CFAP96: variants seen among roughly 807,000 people sequenced by gnomAD.
CFAP96 encodes cilia and flagella associated protein 96.
the CFAP96 span, among the ~76,000 whole-genome samples, chr4:185,446,358 A>G: frequency 1.7e-3 from 257 of 152,314 alleles, 1 homozygote; most frequent in Admixed American, 3.7e-3. Context: ...TAAAACTTTG[A>G]TAATTTGGGG....
At chr4:185,415,129 T>C in the CFAP96 span, 1 of 1,528,528 alleles carries the variant, frequency 6.5e-7, no homozygotes, top group Admixed American at 2.5e-5. Flanking sequence ...TATTGTTTTT[T>C]CTAAGAATAG....
the CFAP96 span, chr4:185,440,862 T>C: frequency 5.5e-6 from 1 of 181,152 alleles, no homozygotes; most frequent in African/African-American, 2.3e-5. Context: ...TTTTACAAAA[T>C]TACATGAAAT....
At chr4:185,443,407 G>A in the CFAP96 span, among the ~76,000 whole-genome samples, 3 of 136,084 alleles carry the variant, frequency 2.2e-5, no homozygotes, top group South Asian at 2.4e-4. Context: ...GCAGTGGCAC[G>A]ATCTTGGCTC....
chr4:185,413,395 C>T, the CFAP96 span, among the ~76,000 whole-genome samples: 1 of 151,586 alleles, frequency 6.6e-6, no homozygotes, highest in Non-Finnish European at 1.5e-5. Flanking sequence ...CTCAAAAAAA[C>T]AAAAAAAGAT....
the CFAP96 span, chr4:185,422,349 C>A: frequency 1.6e-5 from 11 of 683,776 alleles, no homozygotes; most frequent in Admixed American, 3.3e-4. Context: ...AAGTGTAAGT[C>A]CCATTTAATG....
the CFAP96 span, among the ~76,000 whole-genome samples, chr4:185,414,739 AC>A: frequency 1.3e-5 from 2 of 152,344 alleles, no homozygotes; most frequent in East Asian, 3.9e-4. Flanking sequence ...GTGGAGTATT[AC>A]CATAAATCCT....
At chr4:185,429,080 C>T in the CFAP96 span, among the ~76,000 whole-genome samples, 1 of 152,148 alleles carries the variant, frequency 6.6e-6, no homozygotes, top group Non-Finnish European at 1.5e-5. Context: ...GCAGTGTAAT[C>T]GATGAGATCT....
the CFAP96 span, among the ~76,000 whole-genome samples, chr4:185,444,207 C>T: frequency 6.6e-6 from 1 of 151,888 alleles, no homozygotes; most frequent in Non-Finnish European, 1.5e-5. Flanking sequence ...CCCGCCTCGG[C>T]CTCCCAAAGT....
chr4:185,415,413 A>C, the CFAP96 span: 2 of 1,356,418 alleles, frequency 1.5e-6, no homozygotes, highest in Non-Finnish European at 2.0e-6. Context: ...AAAAGTACAG[A>C]GCTAATATAT....
chr4:185,444,913 T>C, the CFAP96 span: 1 of 1,501,768 alleles, frequency 6.7e-7, no homozygotes, highest in South Asian at 1.2e-5. Flanking sequence ...AAGCTAATTT[T>C]GTAGAGGCAT....
chr4:185,434,519 G>C, the CFAP96 span, among the ~76,000 whole-genome samples: 5 of 152,090 alleles, frequency 3.3e-5, no homozygotes, highest in East Asian at 9.7e-4. Flanking sequence ...TGATACATTA[G>C]TTTATAATAG....
At chr4:185,418,106 C>A in the CFAP96 span, among the ~76,000 whole-genome samples, 1 of 143,846 alleles carries the variant, frequency 7.0e-6, no homozygotes, top group Non-Finnish European at 1.5e-5. Context: ...AAAAATAAAT[C>A]ATTTACTATT....
the CFAP96 span, chr4:185,440,716 AAAGGTAAGTTTAC>A: frequency 3.7e-6 from 5 of 1,351,840 alleles, no homozygotes; most frequent in Non-Finnish European, 4.9e-6. Flanking sequence ...CTCCTGGTAA[AAAGGTAAGTTTAC>A]AATTTTAGGA....
chr4:185,445,112 T>C, the CFAP96 span: 1 of 1,551,520 alleles, frequency 6.4e-7, no homozygotes, highest in Admixed American at 2.0e-5. Flanking sequence ...GAAAGTATAA[T>C]GACTTTGAAT....
the CFAP96 span, among the ~76,000 whole-genome samples, chr4:185,439,427 G>T: frequency 6.6e-6 from 1 of 152,110 alleles, no homozygotes; most frequent in Non-Finnish European, 1.5e-5. Context: ...GCTACAGCAG[G>T]TTCCTAGTAG....
the CFAP96 span, chr4:185,445,515 A>G: frequency 6.3e-7 from 1 of 1,579,732 alleles, no homozygotes; most frequent in Non-Finnish European, 8.7e-7. Context: ...ATGATGCTTG[A>G]GAGTTCTGTC....
the CFAP96 span, among the ~76,000 whole-genome samples, chr4:185,439,952 A>T: frequency 2.8e-5 from 4 of 145,372 alleles, no homozygotes; most frequent in African/African-American, 1.0e-4. Context: ...TATCATATAT[A>T]TGATATATAC....
At chr4:185,418,324 T>A in the CFAP96 span, 1 of 734,388 alleles carries the variant, frequency 1.4e-6, no homozygotes, top group South Asian at 2.4e-5. Flanking sequence ...TTAATCTTTT[T>A]GGACATCAAT....
the CFAP96 span, among the ~76,000 whole-genome samples, chr4:185,427,865 C>T: frequency 6.7e-6 from 1 of 150,102 alleles, no homozygotes; most frequent in African/African-American, 2.4e-5. Flanking sequence ...GCAGGTGGAT[C>T]ACCTGAGGTC....
Sources: gnomAD v4.1 joint callset for allele counts (sites outside exome capture counted in the v4.1 genomes callset) on GRCh38, gnomAD v4.1.1 for gene constraint, MANE v1.5 for transcripts, NCBI Gene and HGNC (gene_info 2026-07-23, HGNC 2026-07-21) for gene names.